The following PHF24 variants were observed in gnomAD, a reference collection of about 807,000 sequenced individuals.
The protein encoded by PHF24 is Galpha inhibitory interacting protein.
PHF24 carries 25 observed loss-of-function variants against 42.6 expected under a neutral mutation model. The observed-to-expected ratio is 0.59, with a 90% CI of 0.43 to 0.82. PHF24 has a LOEUF of 0.82. PHF24 is among the 40% of genes least tolerant of loss of function. PHF24 has a pLI of 0.00. For missense variants in PHF24, 470 were observed against 538.1 expected (o/e 0.87, Z 1.25); for synonymous variants, 185 against 204.8 (o/e 0.90, Z 0.83).
the PHF24 span, among the ~76,000 whole-genome samples, chr9:34,836,556 C>G: frequency 4.6e-5 from 7 of 152,256 alleles, no homozygotes; most frequent in African/African-American, 1.7e-4. Context: ...CCCAACATCT[C>G]CTGGGAATCA....
the PHF24 span, among the ~76,000 whole-genome samples, chr9:34,881,975 C>G: frequency 9.2e-5 from 14 of 152,244 alleles, no homozygotes; most frequent in South Asian, 2.9e-3. Flanking sequence ...AAAATACTGG[C>G]AAACCAAATC....
the PHF24 span, chr9:34,709,450 TGA>T: frequency 2.5e-6 from 4 of 1,613,066 alleles, no homozygotes; most frequent in African/African-American, 5.4e-5. Flanking sequence ...AAGAGGGGTG[TGA>T]GGGGCTGACT....
At chr9:34,726,853 TAA>T in the PHF24 span, 1 of 1,551,678 alleles carries the variant, frequency 6.4e-7, no homozygotes, top group South Asian at 1.2e-5. Context: ...ATGGCCCCGA[TAA>T]AGTCAGGGAG....
chr9:34,976,084 A>G, intron 3 of PHF24, 68 bp from the exon 4 acceptor site: 1 of 1,047,554 alleles, frequency 9.5e-7, no homozygotes, highest in Non-Finnish European at 1.5e-6. Context: ...TTCTATTTCT[A>G]GCCCCCTTGA....
the PHF24 span, chr9:34,691,344 T>C: frequency 3.9e-6 from 2 of 517,112 alleles, no homozygotes; most frequent in Non-Finnish European, 6.9e-6. Context: ...TTCCCCTTCA[T>C]GTCCCATTCT....
At chr9:34,711,542 CTTT>C in the PHF24 span, among the ~76,000 whole-genome samples, 25,542 of 130,488 alleles carry the variant, frequency 0.2, 2,430 homozygotes, top group Middle Eastern at 0.3. Context: ...AATGTTGTTA[CTTT>C]TTTTTTTTTT....
the PHF24 span, among the ~76,000 whole-genome samples, chr9:34,774,036 C>T: frequency 1.3e-5 from 2 of 152,184 alleles, no homozygotes; most frequent in African/African-American, 2.4e-5. Context: ...ATGTCATCAA[C>T]AGGTGACTAC....
At chr9:34,804,439 A>G in the PHF24 span, among the ~76,000 whole-genome samples, 3 of 152,250 alleles carry the variant, frequency 2.0e-5, no homozygotes, top group Non-Finnish European at 4.4e-5. Flanking sequence ...TGTTTGTGAA[A>G]TTAGAATTTC....
At chr9:34,778,080 T>A in the PHF24 span, among the ~76,000 whole-genome samples, 1 of 152,212 alleles carries the variant, frequency 6.6e-6, no homozygotes, top group Admixed American at 6.5e-5. Context: ...ACCTGTCACT[T>A]TTCTATTGGA....
chr9:34,955,864 ACT>A (rs1222761701), upstream of PHF24, among the ~76,000 whole-genome samples: 5 of 152,222 alleles, frequency 3.3e-5, no homozygotes, highest in Admixed American at 1.3e-4. Flanking sequence ...AAAAGTTTGC[ACT>A]TTCTAACCTC....
the PHF24 span, among the ~76,000 whole-genome samples, chr9:34,745,091 C>T: frequency 6.6e-6 from 1 of 152,264 alleles, no homozygotes; most frequent in South Asian, 2.1e-4. Context: ...GTACTGAGTA[C>T]ACAGGAGCAG....
chr9:34,880,074 C>T, the PHF24 span, among the ~76,000 whole-genome samples: 1 of 152,208 alleles, frequency 6.6e-6, no homozygotes, highest in South Asian at 2.1e-4. Flanking sequence ...GAATTTTCAA[C>T]CCAGAATTTC....
the PHF24 span, among the ~76,000 whole-genome samples, chr9:34,905,361 GTTAGC>G: frequency 6.6e-6 from 1 of 152,116 alleles, no homozygotes; most frequent in African/African-American, 2.4e-5. Flanking sequence ...TTTTTTCCCT[GTTAGC>G]TAAAAGTGGT....
At chr9:34,935,110 G>A in the PHF24 span, among the ~76,000 whole-genome samples, 1 of 152,210 alleles carries the variant, frequency 6.6e-6, no homozygotes, top group South Asian at 2.1e-4. Context: ...GCCAAAGCAA[G>A]TGAAGATTGT....
the PHF24 span, among the ~76,000 whole-genome samples, chr9:34,694,598 G>A: frequency 6.6e-6 from 1 of 152,176 alleles, no homozygotes; most frequent in African/African-American, 2.4e-5. Context: ...CTCCCAAAGT[G>A]CAGGGATTAC....
At chr9:34,694,192 CAG>C in the PHF24 span, among the ~76,000 whole-genome samples, 1 of 93,132 alleles carries the variant, frequency 1.1e-5, no homozygotes. Context: ...TTTTTTGATA[CAG>C]AGTCTCAATA....
At chr9:34,796,886 A>C in the PHF24 span, among the ~76,000 whole-genome samples, 1 of 152,256 alleles carries the variant, frequency 6.6e-6, no homozygotes, top group Non-Finnish European at 1.5e-5. Flanking sequence ...TAGCAGCTCC[A>C]TTCATGTTTG....
intron 1 of PHF24, 22 bp from the exon 2 acceptor site, chr9:34,971,273 C>T (rs769157665): frequency 2.5e-6 from 4 of 1,570,020 alleles, no homozygotes; most frequent in African/African-American, 2.7e-5. Flanking sequence ...TGAACCTGTG[C>T]CCCTCTGCTT....
chr9:34,677,389 G>GTTTTTTT, the PHF24 span, among the ~76,000 whole-genome samples: 136 of 79,772 alleles, frequency 1.7e-3, 7 homozygotes, highest in Admixed American at 2.0e-3. Flanking sequence ...TTTGTAAACT[G>GTTTTTTT]TTTTTTTTTT....
Sources: allele counts gnomAD v4.1 joint callset (sites outside exome capture counted in the v4.1 genomes callset), GRCh38; gene constraint gnomAD v4.1.1; transcripts MANE v1.5; gene names NCBI Gene and HGNC (gene_info 2026-07-23, HGNC 2026-07-21).